Variants in TRDN observed in about 807,000 individuals in gnomAD.
TRDN encodes triadin.
TRDN carries 161 observed loss-of-function variants against 149.7 expected under a neutral mutation model. The observed-to-expected ratio is 1.08, with a 90% CI of 0.95 to 1.23. The LOEUF is 1.23. Among genes scored for constraint, TRDN ranks in the 50% most tolerant of loss-of-function variants. The pLI is 0.00. For synonymous variants in TRDN, 294 were observed against 250.5 expected, an observed-to-expected ratio of 1.17 and a Z score of -1.64; for missense variants, 896 against 823.5, an observed-to-expected ratio of 1.09 and a Z score of -1.08.
At chr6:123,288,854 A>T (rs1448657216) in intron 24 of TRDN, among the ~76,000 whole-genome samples, 2 of 151,848 alleles carry the variant, frequency 1.3e-5, no homozygotes, top group Admixed American at 1.3e-4. Flanking sequence ...ATATTCAGCA[A>T]TTTTCAGCTA....
At position 123,432,042 on chromosome 6, in the gene TRDN, G is replaced by T. The variant is rs562085229; in HGVS notation, c.1051+6021C>A. ...GAAAAAATTTGATGGAAATAGATAC[G>T]AATGTATCCCTTAAACAGCACAAAT... On this transcript the variant is annotated intron_variant, in intron 12 of 40. Transcript: ENST00000334268. 2.6e-5 allele frequency among the ~76,000 whole-genome samples: 4 copies of T among 152,174 alleles called. No homozygotes were observed. In the East Asian group the frequency reaches 7.7e-4, roughly 29 times the overall value.
At chr6:123,398,560 C>T (rs542316231) in intron 12 of TRDN, among the ~76,000 whole-genome samples, 1 of 152,210 alleles carries the variant, frequency 6.6e-6, no homozygotes, top group South Asian at 2.1e-4. Context: ...TTATAAAATC[C>T]AGTATTATTT....
chr6:123,345,771 A>T (rs550267466), intron 21 of TRDN, among the ~76,000 whole-genome samples: 1 of 152,168 alleles, frequency 6.6e-6, no homozygotes, highest in East Asian at 1.9e-4. Flanking sequence ...TACATAATTT[A>T]AAAAATATAC....
At chr6:123,579,939 T>C (rs1171742937) in intron 1 of TRDN, among the ~76,000 whole-genome samples, 2 of 152,204 alleles carry the variant, frequency 1.3e-5, no homozygotes, top group African/African-American at 4.8e-5. Flanking sequence ...CCTTCCACCA[T>C]GATTGTAACT....
intron 38 of TRDN, among the ~76,000 whole-genome samples, chr6:123,231,322 T>C (rs1227896334): frequency 1.3e-5 from 2 of 152,052 alleles, no homozygotes; most frequent in Non-Finnish European, 2.9e-5. Flanking sequence ...AGTTTCAAGA[T>C]TGAAATGGTC....
chr6:123,348,077 T>C (rs2114280869), intron 21 of TRDN, among the ~76,000 whole-genome samples: 1 of 152,202 alleles, frequency 6.6e-6, no homozygotes, highest in South Asian at 2.1e-4. Context: ...TTTTTCCTTT[T>C]TTTTCTGTAT....
At chr6:123,447,103 A>ATT (rs796568552) in intron 10 of TRDN, among the ~76,000 whole-genome samples, 2 of 145,980 alleles carry the variant, frequency 1.4e-5, no homozygotes, top group African/African-American at 5.0e-5. Flanking sequence ...CTCTGAATCC[A>ATT]TTTTTTTTTT....
At chr6:123,246,923 C>T (rs1176102844) in intron 38 of TRDN, among the ~76,000 whole-genome samples, 1 of 152,118 alleles carries the variant, frequency 6.6e-6, no homozygotes, top group Non-Finnish European at 1.5e-5. Flanking sequence ...TTGGCTTCAT[C>T]CCTGGGATGC....
At chr6:123,475,837 A>G (rs1420177934) in intron 9 of TRDN, among the ~76,000 whole-genome samples, 1 of 152,060 alleles carries the variant, frequency 6.6e-6, no homozygotes, top group Non-Finnish European at 1.5e-5. Context: ...ATGCAGAAAA[A>G]GCCTTCAACG....
chr6:123,473,887 C>T (rs1428456299), intron 9 of TRDN, among the ~76,000 whole-genome samples: 1 of 151,820 alleles, frequency 6.6e-6, no homozygotes, highest in African/African-American at 2.4e-5. Context: ...TACAGACAAG[C>T]AGATGCTGAG....
intron 7 of TRDN, chr6:123,509,416 A>T (rs1304906053): frequency 3.3e-5 from 5 of 152,072 alleles, no homozygotes; most frequent in Non-Finnish European, 7.4e-5. Flanking sequence ...TAAGATTGTA[A>T]TTTCTGTCTT....
chr6:123,337,861 C>T (rs183082710), intron 21 of TRDN, among the ~76,000 whole-genome samples, 192 bp from the exon 22 acceptor site: 70 of 152,112 alleles, frequency 4.6e-4, no homozygotes, highest in African/African-American at 1.3e-3. Context: ...AGAAAATAAG[C>T]CCATGAATTT....
chr6:123,280,830 C>G (rs1281428237), intron 24 of TRDN, among the ~76,000 whole-genome samples: 1 of 151,866 alleles, frequency 6.6e-6, no homozygotes, highest in African/African-American at 2.4e-5. Context: ...AAGTGAATGC[C>G]TTCTTTTCTA....
intron 9 of TRDN, among the ~76,000 whole-genome samples, chr6:123,477,382 ATGG>A (rs1256682155): frequency 6.7e-6 from 1 of 148,158 alleles, no homozygotes; most frequent in African/African-American, 2.5e-5. Context: ...ACCAGTTAGA[ATGG>A]CAATCATTAA....
intron 33 of TRDN, among the ~76,000 whole-genome samples, chr6:123,263,961 A>C (rs1413099458): frequency 6.6e-6 from 1 of 152,022 alleles, no homozygotes; most frequent in Non-Finnish European, 1.5e-5. Context: ...GCTAAGAAAA[A>C]AGACTCCTTT....
chr6:123,248,587 A>T (rs753736764), intron 38 of TRDN, among the ~76,000 whole-genome samples: 7 of 151,994 alleles, frequency 4.6e-5, no homozygotes, highest in Non-Finnish European at 8.8e-5. Flanking sequence ...TCAGAGACTT[A>T]TATGCACAAC....
chr6:123,364,424 G>A (rs781415126), intron 20 of TRDN, among the ~76,000 whole-genome samples: 4 of 152,138 alleles, frequency 2.6e-5, no homozygotes, highest in Non-Finnish European at 5.9e-5. Context: ...AGATCACAAC[G>A]TCAAGAGATT....
intron 2 of TRDN, among the ~76,000 whole-genome samples, chr6:123,562,562 C>A: frequency 6.6e-6 from 1 of 152,124 alleles, no homozygotes; most frequent in East Asian, 1.9e-4. Flanking sequence ...ATTTCCCAGC[C>A]TCCAGAATTG....
chr6:123,253,242 G>A (rs1776438851), intron 37 of TRDN, among the ~76,000 whole-genome samples: 1 of 151,898 alleles, frequency 6.6e-6, no homozygotes, highest in Non-Finnish European at 1.5e-5. Context: ...AAACACTAGA[G>A]CAGACATTCT....
Sources: allele counts gnomAD v4.1 joint callset (sites outside exome capture counted in the v4.1 genomes callset), GRCh38; gene constraint gnomAD v4.1.1; transcripts MANE v1.5; gene names NCBI Gene and HGNC (gene_info 2026-07-23, HGNC 2026-07-21).